Variants in NRG1 observed in about 807,000 individuals in gnomAD.
NRG1 encodes the protein pro-neuregulin-1, membrane-bound isoform.
In NRG1, 18 loss-of-function variants were observed where a neutral mutation model predicts 63.8. The ratio of observed to expected loss-of-function variants is 0.28; its 90% CI spans 0.19 to 0.42. NRG1 has a LOEUF of 0.42. NRG1 is among the 10% of genes least tolerant of loss of function. The pLI is 1.00. For synonymous variants in NRG1, 302 were observed against 301.3 expected (o/e 1.00, Z -0.02); for missense variants, 762 against 814.7 (o/e 0.94, Z 0.79).
At chr8:31,929,829 C>T (rs1290337425) in intron 1 of NRG1, among the ~76,000 whole-genome samples, 1 of 152,168 alleles carries the variant, frequency 6.6e-6, no homozygotes, top group Non-Finnish European at 1.5e-5. Flanking sequence ...AGTACTCCTA[C>T]CTGTTGATCT....
intron 5 of NRG1, among the ~76,000 whole-genome samples, chr8:32,661,013 G>A (rs1238691244): frequency 6.6e-6 from 1 of 152,176 alleles, no homozygotes; most frequent in Non-Finnish European, 1.5e-5. Context: ...TTTTTCCTCT[G>A]TGTGATTTAT....
chr8:31,864,134 A>G (rs904359722), intron 1 of NRG1, among the ~76,000 whole-genome samples: 6 of 152,198 alleles, frequency 3.9e-5, no homozygotes, highest in African/African-American at 1.4e-4. Context: ...CAGTTGAGGA[A>G]GCTGAGGACC....
At chr8:31,815,820 G>A (rs1823387626) in intron 1 of NRG1, among the ~76,000 whole-genome samples, 1 of 151,932 alleles carries the variant, frequency 6.6e-6, no homozygotes, top group Non-Finnish European at 1.5e-5. Context: ...CACCAGCCTA[G>A]TATTTTTTTT....
intron 1 of NRG1, among the ~76,000 whole-genome samples, chr8:31,805,341 G>A (rs758954792): frequency 6.6e-6 from 1 of 151,748 alleles, no homozygotes; most frequent in Non-Finnish European, 1.5e-5. Context: ...AAACATTTTA[G>A]GGTAGGATAA....
Position 32,188,070 on chromosome 8 carries a change from A to ATT in NRG1, c.38-407745_38-407744dup, listed in dbSNP as rs796398786. On this transcript the variant is annotated intron_variant, in intron 1 of 10. Transcript: ENST00000519301. ...AGATATCTTTACTCTAGGATTATAG[A>ATT]TTTTTTTTTTTTTTGAGATGAAGTC... Among the ~76,000 whole-genome samples the ATT allele has an allele frequency of 9.3e-3, 1,366 of 146,362 alleles. 17 individuals carry two copies. Among genetic ancestry groups the ATT allele is most frequent in the African/African-American group, 0.033 (1,307 of 40,168 alleles).
chr8:31,959,019 T>C (rs371620044), intron 1 of NRG1, among the ~76,000 whole-genome samples: 1 of 152,322 alleles, frequency 6.6e-6, no homozygotes, highest in South Asian at 2.1e-4. Context: ...TGAATGTCAT[T>C]TTGTTTACAT....
chr8:31,857,391 A>G (rs1029645102), intron 1 of NRG1, among the ~76,000 whole-genome samples: 1 of 152,084 alleles, frequency 6.6e-6, no homozygotes, highest in Non-Finnish European at 1.5e-5. Flanking sequence ...GCCGTCTGTC[A>G]CCCCTTTCTT....
chr8:31,987,264 C>T (rs1046829100), intron 1 of NRG1, among the ~76,000 whole-genome samples: 1 of 146,872 alleles, frequency 6.8e-6, no homozygotes, highest in Non-Finnish European at 1.5e-5. Flanking sequence ...CACGCCACTG[C>T]ACTCCAGTCT....
chr8:32,134,957 A>G (rs1835318650), intron 1 of NRG1, among the ~76,000 whole-genome samples: 1 of 152,172 alleles, frequency 6.6e-6, no homozygotes, highest in South Asian at 2.1e-4. Flanking sequence ...TCAGGTATTC[A>G]TGAATAAAAT....
intron 1 of NRG1, among the ~76,000 whole-genome samples, chr8:32,385,389 C>A (rs777371797): frequency 3.9e-5 from 6 of 152,086 alleles, no homozygotes; most frequent in Non-Finnish European, 5.9e-5. Context: ...CAGCAAATAA[C>A]CCTAGTGTAT....
chr8:32,744,397 A>G (rs28657392), intron 7 of NRG1, among the ~76,000 whole-genome samples: 19,322 of 152,144 alleles, frequency 0.13, 1,561 homozygotes, highest in East Asian at 0.37. Flanking sequence ...ATTCACAAAC[A>G]TTTAAGTAAT....
chr8:31,903,068 G>A (rs1411431306), intron 1 of NRG1, among the ~76,000 whole-genome samples: 2 of 152,070 alleles, frequency 1.3e-5, no homozygotes, highest in African/African-American at 2.4e-5. Context: ...GAGAGGAACT[G>A]GGGATCCAGC....
chr8:32,754,022 C>CA (rs139167058), intron 7 of NRG1, among the ~76,000 whole-genome samples: 21,029 of 149,112 alleles, frequency 0.14, 1,758 homozygotes, highest in African/African-American at 0.23. Context: ...CAAGAGACTA[C>CA]AAAAAAAAAT....
At chr8:31,678,548 A>C (rs1045722556) in intron 1 of NRG1, among the ~76,000 whole-genome samples, 1 of 151,742 alleles carries the variant, frequency 6.6e-6, no homozygotes, top group African/African-American at 2.4e-5. Context: ...TTCTTCACTT[A>C]CGCTTTTTCC....
chr8:31,949,760 C>T (rs1803179576), intron 1 of NRG1, among the ~76,000 whole-genome samples: 1 of 152,198 alleles, frequency 6.6e-6, no homozygotes, highest in African/African-American at 2.4e-5. Context: ...TTGGCAGTCT[C>T]ATGAAGCCTA....
intron 1 of NRG1, among the ~76,000 whole-genome samples, chr8:31,738,930 A>G (rs1328630783): frequency 1.3e-5 from 2 of 151,922 alleles, no homozygotes; most frequent in South Asian, 2.1e-4. Context: ...ATCTGCCACA[A>G]ATTTATTTCC....
intron 1 of NRG1, among the ~76,000 whole-genome samples, chr8:31,922,753 T>C (rs1381150972): frequency 2.6e-5 from 4 of 152,182 alleles, no homozygotes; most frequent in African/African-American, 9.7e-5. Flanking sequence ...ATTCACTTCA[T>C]GCAGTAGCTC....
chr8:31,659,864 T>C (rs1482857609), intron 1 of NRG1, among the ~76,000 whole-genome samples: 4 of 152,238 alleles, frequency 2.6e-5, no homozygotes, highest in Non-Finnish European at 4.4e-5. Flanking sequence ...TTCAGCTTTC[T>C]GTCTTCTCCC....
intron 1 of NRG1, among the ~76,000 whole-genome samples, chr8:32,175,771 A>T (rs1165488059): frequency 1.3e-5 from 2 of 152,234 alleles, no homozygotes; most frequent in Non-Finnish European, 2.9e-5. Context: ...AATCCAACTT[A>T]CAAGGGATGT....
Sources: allele counts gnomAD v4.1 joint callset (sites outside exome capture counted in the v4.1 genomes callset), GRCh38; gene constraint gnomAD v4.1.1; transcripts MANE v1.5; gene names NCBI Gene and HGNC (gene_info 2026-07-23, HGNC 2026-07-21).